OCA2: variants seen among roughly 807,000 people sequenced by gnomAD.
OCA2 encodes the protein OCA2 melanosomal transmembrane protein, also known as P protein.
Under a neutral mutation model 100.2 loss-of-function variants are expected in OCA2, and 77 were observed. That is an observed-to-expected ratio of 0.77 (90% confidence interval 0.64 to 0.93). The LOEUF (loss-of-function observed/expected upper bound fraction) is 0.93. Among genes scored for constraint, OCA2 ranks in the 40% least tolerant of loss-of-function variants. The probability of loss-of-function intolerance (pLI) is 0.00; values close to 1 mark genes in which losing one functional copy is unlikely to be tolerated. For synonymous variants in OCA2, 432 were observed against 439.2 expected (o/e 0.98, Z 0.21); for missense variants, 1,062 against 1,089.1 (o/e 0.98, Z 0.35).
chr15:27,824,602 C>CTCTCTCTCTCTATATA lies in OCA2; in HGVS notation c.2432+20356_2432+20357insTATATAGAGAGAGAGA. On this transcript the variant is annotated intron_variant, in intron 23 of 23. Coordinates refer to ENST00000354638, the MANE Select transcript of OCA2 (RefSeq NM_000275.3). ...TTTCTCTCTCTCTCTCTCTCTCTCT[C>CTCTCTCTCTCTATATA]TATATATATATATATATATAATATA... 2.6e-3 allele frequency among the ~76,000 whole-genome samples: 122 copies of CTCTCTCTCTCTATATA among 47,596 alleles called. 13 individuals carry two copies. Among genetic ancestry groups the CTCTCTCTCTCTATATA allele is most frequent in the African/African-American group, 0.015 (92 of 6,326 alleles). The allele number at this position is 47,596 out of a possible 152,430, so 31.2% of individuals were successfully genotyped here.
At chr15:27,785,413 T>A (rs1020052530) in intron 23 of OCA2, among the ~76,000 whole-genome samples, 2 of 152,286 alleles carry the variant, frequency 1.3e-5, no homozygotes, top group Non-Finnish European at 2.9e-5. Flanking sequence ...AAAGCTAGTA[T>A]ATCTATGCAA....
At chr15:27,879,008 C>G (rs558369754) in intron 19 of OCA2, among the ~76,000 whole-genome samples, 1 of 152,152 alleles carries the variant, frequency 6.6e-6, no homozygotes, top group Non-Finnish European at 1.5e-5. Flanking sequence ...TTCTCCCTCC[C>G]CCTTTTCCCC....
chr15:27,765,688 A>G (rs1402916076), intron 23 of OCA2, among the ~76,000 whole-genome samples: 1 of 152,240 alleles, frequency 6.6e-6, no homozygotes, highest in African/African-American at 2.4e-5. Context: ...AACCAGTTAT[A>G]GAAATAAAAT....
chr15:27,992,967 A>T (rs1263870502), intron 9 of OCA2, among the ~76,000 whole-genome samples: 3 of 151,698 alleles, frequency 2.0e-5, no homozygotes, highest in African/African-American at 7.3e-5. Context: ...TACTAAAAAT[A>T]AAAAAAATTA....
intron 2 of OCA2, among the ~76,000 whole-genome samples, chr15:28,040,191 C>G (rs1039604815): frequency 3.3e-5 from 5 of 152,180 alleles, no homozygotes; most frequent in African/African-American, 1.2e-4. Flanking sequence ...ATACCAGCAC[C>G]TTGACCTTGG....
At chr15:28,037,107 A>T (rs1326519024) in intron 2 of OCA2, among the ~76,000 whole-genome samples, 1 of 152,056 alleles carries the variant, frequency 6.6e-6, no homozygotes, top group Non-Finnish European at 1.5e-5. Flanking sequence ...GTCGAGAGCC[A>T]ATGGCTCAGG....
At chr15:28,040,654 TGAC>T (rs1405498012) in intron 2 of OCA2, among the ~76,000 whole-genome samples, 1 of 152,102 alleles carries the variant, frequency 6.6e-6, no homozygotes, top group African/African-American at 2.4e-5. Flanking sequence ...ATCAGGGACA[TGAC>T]TACCAATTTT....
rs115589415 is a variant in OCA2, at chr15:27,955,671, T to A, written c.1785-456A>T. On this transcript the variant is annotated intron_variant, in intron 16 of 23. Transcript: ENST00000354638. ...AGAAATGTCACTTGCTTTAATGTTG[T>A]TTTTTATCAATCGATGATCACTTCC... Among the ~76,000 whole-genome samples, 1,280 of 152,108 alleles carry A rather than the reference T, an allele frequency of 8.4e-3. 20 individuals are homozygous for A. Among genetic ancestry groups the A allele is most frequent in the African/African-American group, 0.029 (1,192 of 41,518 alleles).
chr15:27,998,810 CAAT>C (rs2041834537), intron 9 of OCA2, among the ~76,000 whole-genome samples: 1 of 145,762 alleles, frequency 6.9e-6, no homozygotes, highest in Admixed American at 7.0e-5. Context: ...AAATGTCCAA[CAAT>C]GATAGACTGG....
At chr15:27,807,131 G>A (rs535267476) in intron 23 of OCA2, among the ~76,000 whole-genome samples, 4 of 152,196 alleles carry the variant, frequency 2.6e-5, no homozygotes, top group East Asian at 1.9e-4. Context: ...ACCCATCCAC[G>A]GGCAGCCTGG....
At chr15:27,821,532 CACATGCACACAT>C (rs1170700301) in intron 23 of OCA2, among the ~76,000 whole-genome samples, 2 of 152,102 alleles carry the variant, frequency 1.3e-5, no homozygotes, top group South Asian at 2.1e-4. Context: ...TCATAATTCA[CACATGCACACAT>C]ACATGCACAC....
chr15:28,008,741 A>G (rs2042154875), intron 9 of OCA2, among the ~76,000 whole-genome samples: 1 of 152,258 alleles, frequency 6.6e-6, no homozygotes, highest in African/African-American at 2.4e-5. Flanking sequence ...GCACCAAAAA[A>G]CAAACATTTC....
intron 18 of OCA2, among the ~76,000 whole-genome samples, chr15:27,932,893 A>C (rs2039306986): frequency 6.6e-6 from 1 of 152,152 alleles, no homozygotes; most frequent in African/African-American, 2.4e-5. Flanking sequence ...AACCCCGGGG[A>C]AGGGAGTGAA....
At chr15:27,789,204 T>A (rs1364357499) in intron 23 of OCA2, among the ~76,000 whole-genome samples, 1 of 129,388 alleles carries the variant, frequency 7.7e-6, no homozygotes, top group Non-Finnish European at 1.6e-5. Context: ...GCTCTTTTTT[T>A]TTCTGGGCGG....
At chr15:27,855,620 A>C (rs546464814) in intron 21 of OCA2, among the ~76,000 whole-genome samples, 52 of 152,194 alleles carry the variant, frequency 3.4e-4, no homozygotes, top group Non-Finnish European at 5.6e-4. Flanking sequence ...TCCCTCCTCC[A>C]CTGGATGGGA....
At chr15:27,832,075 C>G (rs1432308754) in intron 23 of OCA2, among the ~76,000 whole-genome samples, 3 of 152,128 alleles carry the variant, frequency 2.0e-5, no homozygotes, top group Non-Finnish European at 2.9e-5. Flanking sequence ...AATCCAACGT[C>G]CCTCATGCAG....
rs553145213 is a variant in OCA2, at chr15:27,898,905, A to G, written c.2080-26983T>C. 2.4e-3 allele frequency among the ~76,000 whole-genome samples: 360 copies of G among 152,344 alleles called. 2 individuals carry two copies. The highest frequency in any genetic ancestry group is 8.3e-3 in the African/African-American group (347 of 41,576). On this transcript the variant is annotated intron_variant, in intron 19 of 23. Transcript: ENST00000354638. ...TGTAAAGAACTAGCATCAATTCTAT[A>G]TAATCTTTTCCAGAAGATAAAACAG...
At chr15:27,808,039 A>C (rs906948921) in intron 23 of OCA2, among the ~76,000 whole-genome samples, 1 of 152,216 alleles carries the variant, frequency 6.6e-6, no homozygotes, top group Non-Finnish European at 1.5e-5. Context: ...GTGCCTTTAC[A>C]GGTGGTGATG....
At chr15:28,031,749 G>T (rs867977749) in intron 3 of OCA2, among the ~76,000 whole-genome samples, 6 of 152,240 alleles carry the variant, frequency 3.9e-5, no homozygotes, top group African/African-American at 1.4e-4. Context: ...ACAACCAAAA[G>T]TGTCTCCAGA....
Sources: gnomAD v4.1 joint callset for allele counts (sites outside exome capture counted in the v4.1 genomes callset) on GRCh38, gnomAD v4.1.1 for gene constraint, MANE v1.5 for transcripts, NCBI Gene and HGNC (gene_info 2026-07-23, HGNC 2026-07-21) for gene names.